KCNIP4: variants seen among roughly 807,000 people sequenced by gnomAD.
KCNIP4 encodes Kv channel-interacting protein 4.
Under a neutral mutation model 34.0 loss-of-function variants are expected in KCNIP4, and 12 were observed. That is an observed-to-expected ratio of 0.35 (90% CI 0.23 to 0.57). KCNIP4 has a LOEUF of 0.57. Among genes scored for constraint, KCNIP4 ranks in the 20% least tolerant of loss-of-function variants. The pLI is 0.83. For missense variants in KCNIP4, 238 were observed against 311.7 expected (o/e 0.76, Z 1.78); for synonymous variants, 124 against 102.2 (o/e 1.21, Z -1.29).
intron 1 of KCNIP4, among the ~76,000 whole-genome samples, chr4:21,325,782 T>G (rs1229061111): frequency 6.6e-6 from 1 of 151,924 alleles, no homozygotes; most frequent in African/African-American, 2.4e-5. Flanking sequence ...TCATAGGTTT[T>G]TACATGTTGT....
chr4:21,350,169 T>C (rs1012759489), intron 1 of KCNIP4, among the ~76,000 whole-genome samples: 1 of 152,188 alleles, frequency 6.6e-6, no homozygotes. Flanking sequence ...CAAAGAAAAC[T>C]GGTATGAACA....
At chr4:20,798,579 C>T (rs1163860306) in intron 3 of KCNIP4, among the ~76,000 whole-genome samples, 1 of 151,516 alleles carries the variant, frequency 6.6e-6, no homozygotes, top group Non-Finnish European at 1.5e-5. Context: ...TACTTTTTGA[C>T]CAAAATAACT....
At chr4:20,795,604 C>A (rs748169685) in intron 3 of KCNIP4, among the ~76,000 whole-genome samples, 5 of 152,102 alleles carry the variant, frequency 3.3e-5, no homozygotes, top group Admixed American at 6.6e-5. Context: ...CATCTTGATT[C>A]TATCTTTTGG....
chr4:21,312,967 G>C (rs1212147422), intron 1 of KCNIP4, among the ~76,000 whole-genome samples: 1 of 152,328 alleles, frequency 6.6e-6, no homozygotes, highest in African/African-American at 2.4e-5. Context: ...ATGTTCAGAA[G>C]TGTGAAGCTG....
chr4:21,564,894 C>A (rs895053477), intron 1 of KCNIP4, among the ~76,000 whole-genome samples: 1 of 151,976 alleles, frequency 6.6e-6, no homozygotes, highest in Non-Finnish European at 1.5e-5. Context: ...GGGAGAACTC[C>A]CTCATTACCA....
intron 5 of KCNIP4, among the ~76,000 whole-genome samples, chr4:20,741,636 ACC>A (rs1296152483): frequency 1.3e-5 from 2 of 152,186 alleles, no homozygotes; most frequent in Admixed American, 1.3e-4. Flanking sequence ...TAAAATCAAC[ACC>A]CTAACATCAC....
chr4:21,759,623 T>C (rs909991404), intron 1 of KCNIP4, among the ~76,000 whole-genome samples: 7 of 152,174 alleles, frequency 4.6e-5, no homozygotes, highest in African/African-American at 1.7e-4. Flanking sequence ...AAGTCATTTC[T>C]ATACTGAGGT....
chr4:21,501,719 T>TGTG (rs1272906918), intron 1 of KCNIP4, among the ~76,000 whole-genome samples: 4 of 149,002 alleles, frequency 2.7e-5, no homozygotes, highest in South Asian at 2.2e-4. Flanking sequence ...TGTGTGTGCG[T>TGTG]TGGAAGGGGC....
chr4:21,092,786 A>G (rs960206946), intron 1 of KCNIP4, among the ~76,000 whole-genome samples: 2 of 152,226 alleles, frequency 1.3e-5, no homozygotes, highest in Non-Finnish European at 1.5e-5. Context: ...AGGTCTCTGG[A>G]AACTCCTCAA....
intron 1 of KCNIP4, among the ~76,000 whole-genome samples, chr4:21,808,530 T>G (rs1721434895): frequency 6.6e-6 from 1 of 152,206 alleles, no homozygotes; most frequent in African/African-American, 2.4e-5. Flanking sequence ...GTTAATTAAC[T>G]GTTTATGTCA....
At chr4:21,561,921 G>A (rs1270125054) in intron 1 of KCNIP4, among the ~76,000 whole-genome samples, 1 of 151,930 alleles carries the variant, frequency 6.6e-6, no homozygotes, top group African/African-American at 2.4e-5. Context: ...AAAGGTAAAC[G>A]TATGACCCAG....
intron 1 of KCNIP4, among the ~76,000 whole-genome samples, chr4:21,771,599 T>C (rs1207922344): frequency 1.3e-5 from 2 of 152,224 alleles, no homozygotes; most frequent in African/African-American, 4.8e-5. Context: ...CCCATTTGTT[T>C]GTGTCCTCCC....
intron 1 of KCNIP4, among the ~76,000 whole-genome samples, chr4:21,238,181 G>GCA (rs1560203681): frequency 6.6e-6 from 1 of 151,912 alleles, no homozygotes; most frequent in Non-Finnish European, 1.5e-5. Context: ...ATTCAACAAG[G>GCA]CTTCATGCTA....
Position 20,742,056 on chromosome 4 carries a change from C to G in KCNIP4, c.430-7321G>C, listed in dbSNP as rs552625632. ...TCCCTGAATAGACCAATAACAGGCT[C>G]TGAAATTGAGGCAATAATTAATAGC... On this transcript the variant is annotated intron_variant, in intron 5 of 8. Transcript: ENST00000382152. Among the ~76,000 whole-genome samples the G allele has an allele frequency of 1.2e-4, 19 of 152,146 alleles. 1 individual carries two copies. Among genetic ancestry groups the G allele is most frequent in the Non-Finnish European group, 2.5e-4 (17 of 68,036 alleles).
At chr4:21,532,030 G>A (rs912605562) in intron 1 of KCNIP4, among the ~76,000 whole-genome samples, 7 of 151,932 alleles carry the variant, frequency 4.6e-5, no homozygotes, top group East Asian at 1.9e-4. Flanking sequence ...CAGAGTGTTC[G>A]GTGCATGATA....
intron 1 of KCNIP4, among the ~76,000 whole-genome samples, chr4:21,677,903 C>A (rs928875939): frequency 6.6e-6 from 1 of 152,298 alleles, no homozygotes; most frequent in East Asian, 1.9e-4. Flanking sequence ...CCATGAGTCA[C>A]CACACCTGGC....
At chr4:21,395,276 A>G (rs931710437) in intron 1 of KCNIP4, among the ~76,000 whole-genome samples, 3 of 152,164 alleles carry the variant, frequency 2.0e-5, no homozygotes, top group African/African-American at 7.2e-5. Flanking sequence ...CCCTCTTGGG[A>G]GAGTTTCTAG....
At chr4:20,970,046 A>G (rs1734774518) in intron 1 of KCNIP4, among the ~76,000 whole-genome samples, 2 of 150,788 alleles carry the variant, frequency 1.3e-5, no homozygotes, top group Non-Finnish European at 3.0e-5. Flanking sequence ...GGTTCACTCC[A>G]TTCTCCTGCC....
At chr4:21,576,317 C>T (rs566241113) in intron 1 of KCNIP4, among the ~76,000 whole-genome samples, 3 of 152,170 alleles carry the variant, frequency 2.0e-5, no homozygotes, top group Admixed American at 2.0e-4. Context: ...GCATAAAAGC[C>T]CACTGCTCTG....
Sources: gnomAD v4.1 joint callset for allele counts (sites outside exome capture counted in the v4.1 genomes callset) on GRCh38, gnomAD v4.1.1 for gene constraint, MANE v1.5 for transcripts, NCBI Gene and HGNC (gene_info 2026-07-23, HGNC 2026-07-21) for gene names.